TCF12: variants seen among roughly 807,000 people sequenced by gnomAD.
TCF12 encodes the protein DNA-binding protein HTF4.
TCF12 carries 45 observed loss-of-function variants against 86.0 expected under a neutral mutation model. That is an observed-to-expected ratio of 0.52 (90% CI 0.41 to 0.67). The LOEUF (loss-of-function observed/expected upper bound fraction) is 0.67. TCF12 is among the 30% of genes least tolerant of loss of function. TCF12 has a pLI of 0.00. For missense variants in TCF12, 881 were observed against 859.9 expected (o/e 1.02, Z -0.31); for synonymous variants, 330 against 299.6 (o/e 1.10, Z -1.05).
At chr15:56,938,569 G>A (rs2060586070) in intron 3 of TCF12, among the ~76,000 whole-genome samples, 1 of 151,474 alleles carries the variant, frequency 6.6e-6, no homozygotes, top group Non-Finnish European at 1.5e-5. Flanking sequence ...ATGGAATAGT[G>A]TGAATAGGAT....
At chr15:57,120,833 A>G (rs1414117550) in intron 5 of TCF12, among the ~76,000 whole-genome samples, 1 of 152,174 alleles carries the variant, frequency 6.6e-6, no homozygotes, top group African/African-American at 2.4e-5. Flanking sequence ...AAGTGGGCTC[A>G]GAAAATGTCT....
intron 3 of TCF12, among the ~76,000 whole-genome samples, chr15:56,955,814 A>C (rs374444796): frequency 2.0e-5 from 3 of 152,160 alleles, no homozygotes; most frequent in Non-Finnish European, 2.9e-5. Context: ...AGATCTATCA[A>C]TTATTGAAAG....
chr15:57,213,634 C>T (rs2058208619), intron 8 of TCF12, among the ~76,000 whole-genome samples: 1 of 151,942 alleles, frequency 6.6e-6, no homozygotes, highest in Admixed American at 6.5e-5. Flanking sequence ...GGTGCTGTTC[C>T]ATTTCTCATA....
chr15:57,136,959 TTTTTTTTTTTG>T (rs1425905103), intron 5 of TCF12, among the ~76,000 whole-genome samples: 564 of 4,010 alleles, frequency 0.14, 107 homozygotes, highest in African/African-American at 0.21. Context: ...CTTCTGGCAG[TTTTTTTTTTTG>T]TTTTTTTTTT....
At chr15:57,176,119 GC>G (rs1179348037) in intron 6 of TCF12, among the ~76,000 whole-genome samples, 8 of 152,260 alleles carry the variant, frequency 5.3e-5, no homozygotes, top group Admixed American at 5.2e-4. Context: ...GATTGTTTGA[GC>G]CCAGGAGTTC....
intron 6 of TCF12, among the ~76,000 whole-genome samples, chr15:57,177,570 C>G (rs2056015585): frequency 7.5e-6 from 1 of 133,068 alleles, no homozygotes; most frequent in Non-Finnish European, 1.6e-5. Flanking sequence ...TGTGCCCAGT[C>G]AATAGACACT....
chr15:56,963,715 T>C (rs1210611431), intron 3 of TCF12, among the ~76,000 whole-genome samples: 1 of 152,234 alleles, frequency 6.6e-6, no homozygotes, highest in Admixed American at 6.5e-5. Flanking sequence ...CACCTACTTA[T>C]TTTTAAGTAA....
chr15:57,124,895 A>G (rs1231210810), intron 5 of TCF12, among the ~76,000 whole-genome samples: 2 of 151,894 alleles, frequency 1.3e-5, no homozygotes, highest in Admixed American at 1.3e-4. Flanking sequence ...GTCAGTCTTG[A>G]TCTCCTGACC....
intron 6 of TCF12, among the ~76,000 whole-genome samples, chr15:57,185,004 C>T (rs368646290): frequency 6.6e-6 from 1 of 152,126 alleles, no homozygotes; most frequent in Non-Finnish European, 1.5e-5. Context: ...CTGATAATTA[C>T]ATCTTTCTCT....
At chr15:57,142,304 T>TATAGATAGACAGATAG (rs1555516804) in intron 5 of TCF12, among the ~76,000 whole-genome samples, 2 of 149,612 alleles carry the variant, frequency 1.3e-5, no homozygotes, top group Non-Finnish European at 3.0e-5. Context: ...CTCACACTTT[T>TATAGATAGACAGATAG]ATAGATAGAT....
Position 57,077,325 on chromosome 15 carries a change from A to ATGTGTG in TCF12, c.222+13503_222+13504insGTGTGT, listed in dbSNP as rs777718984. Among the ~76,000 whole-genome samples, 27 of 127,272 alleles carry ATGTGTG rather than the reference A, an allele frequency of 2.1e-4. 2 individuals carry two copies. Among genetic ancestry groups the ATGTGTG allele is most frequent in the Non-Finnish European group, 3.5e-4 (22 of 62,626 alleles). The allele number at this position is 127,272 out of a possible 152,430, so 83.5% of individuals were successfully genotyped here. On this transcript the variant is annotated intron_variant, in intron 4 of 20. Coordinates refer to ENST00000333725, the MANE Select transcript of TCF12 (RefSeq NM_207037.2). ...ATTTACTTTCCATATATATGTATAT[A>ATGTGTG]TATGTGTGTGTGTGTGTGTGTGTGT...
At chr15:56,954,620 C>T (rs758749477) in intron 3 of TCF12, among the ~76,000 whole-genome samples, 37 of 152,176 alleles carry the variant, frequency 2.4e-4, no homozygotes, top group Non-Finnish European at 4.4e-4. Flanking sequence ...AAACTACCAT[C>T]AGAGTGAACA....
intron 5 of TCF12, among the ~76,000 whole-genome samples, chr15:57,102,050 A>T (rs1193935440): frequency 6.7e-6 from 1 of 150,338 alleles, no homozygotes; most frequent in Non-Finnish European, 1.5e-5. Flanking sequence ...CTACTTAAAC[A>T]TGTAGGTAGT....
At chr15:57,034,612 T>C (rs1045447182) in intron 3 of TCF12, among the ~76,000 whole-genome samples, 16 of 152,340 alleles carry the variant, frequency 1.1e-4, no homozygotes, top group South Asian at 4.1e-4. Context: ...TATAAAGATA[T>C]GTATGTAGTT....
intron 19 of TCF12, 24 bp from the exon 20 acceptor site, chr15:57,282,421 A>G: frequency 1.2e-6 from 2 of 1,613,954 alleles, no homozygotes; most frequent in African/African-American, 1.3e-5. Flanking sequence ...CCATAGTGAT[A>G]AAAATTCTTT....
intron 5 of TCF12, among the ~76,000 whole-genome samples, chr15:57,122,029 G>A (rs1376244797): frequency 1.4e-5 from 2 of 147,150 alleles, no homozygotes; most frequent in African/African-American, 5.0e-5. Flanking sequence ...AACATTTATT[G>A]TCTACTATAT....
At chr15:57,280,181 C>T (rs371222961) in intron 19 of TCF12, among the ~76,000 whole-genome samples, 5 of 152,086 alleles carry the variant, frequency 3.3e-5, no homozygotes, top group Non-Finnish European at 7.4e-5. Context: ...TGAGCCACCA[C>T]GCCCAGCCCA....
At chr15:56,970,302 A>G (rs2062226099) in intron 3 of TCF12, among the ~76,000 whole-genome samples, 1 of 151,922 alleles carries the variant, frequency 6.6e-6, no homozygotes, top group African/African-American at 2.4e-5. Context: ...CAATATAGTG[A>G]AATCCCATCT....
At chr15:57,052,537 T>C (rs1244303401) in intron 3 of TCF12, among the ~76,000 whole-genome samples, 2 of 150,854 alleles carry the variant, frequency 1.3e-5, no homozygotes, top group East Asian at 3.9e-4. Flanking sequence ...CTCGGGAGGC[T>C]GAGGCAAGAG....
Sources: allele counts gnomAD v4.1 joint callset (sites outside exome capture counted in the v4.1 genomes callset), GRCh38; gene constraint gnomAD v4.1.1; transcripts MANE v1.5; gene names NCBI Gene and HGNC (gene_info 2026-07-23, HGNC 2026-07-21).